The following TRAM2 variants were observed in gnomAD, a reference collection of about 807,000 sequenced individuals.
TRAM2 encodes the protein translocating chain-associated membrane protein 2.
Under a neutral mutation model 51.0 loss-of-function variants are expected in TRAM2, and 12 were observed. The ratio of observed to expected loss-of-function variants is 0.24; its 90% confidence interval spans 0.15 to 0.38. The LOEUF is 0.38. TRAM2 is among the 10% of genes least tolerant of loss of function. The probability of loss-of-function intolerance (pLI) is 1.00; values close to 1 mark genes in which losing one functional copy is unlikely to be tolerated. For synonymous variants in TRAM2, 175 were observed against 179.4 expected (o/e 0.98, Z 0.20); for missense variants, 361 against 462.0 (o/e 0.78, Z 2.00).
At chr6:52,550,266 C>T (rs1767284467) in intron 1 of TRAM2, among the ~76,000 whole-genome samples, 1 of 152,180 alleles carries the variant, frequency 6.6e-6, no homozygotes, top group South Asian at 2.1e-4. Flanking sequence ...CTCTCCCTTC[C>T]TTCTTAGTTC....
rs1766222291 is a variant in TRAM2, at chr6:52,501,513, C to G, written c.*1684G>C. On this transcript the variant is annotated 3_prime_UTR_variant, in exon 11 of 11. Transcript: ENST00000182527. ...CCTGCACCTACCAAGAACTACTCCC[C>G]TTTGCCTCAAAACAGAGTTCGGAGG... 2 of 152,224 alleles carry G rather than the reference C, an allele frequency of 1.3e-5. No individual in the cohort carries two copies. Among genetic ancestry groups the G allele is most frequent in the South Asian group, 4.1e-4 (2 of 4,832 alleles). 9.4% of individuals were successfully genotyped at this position (152,224 alleles called of 1,614,324 possible). A position where few individuals can be genotyped will look rare whatever the true frequency, so the allele number is the denominator to read the frequency against.
In TRAM2 at chr6:52,560,594, C is replaced by T. The variant is rs551610300; in HGVS notation, c.120+16202G>A. Among the ~76,000 whole-genome samples, 358 of 152,252 alleles carry T rather than the reference C, an allele frequency of 2.4e-3. 2 individuals are homozygous for T. The highest frequency in any genetic ancestry group is 4.0e-3 in the Non-Finnish European group (274 of 68,030). ...TTGGGTTATTTCAAACGAAGTCTGCCGTTAGAGCAGGAGCTGTGTCCTGTG... is the reference window on the plus strand; with the variant it reads ...TTGGGTTATTTCAAACGAAGTCTGCTGTTAGAGCAGGAGCTGTGTCCTGTG... On this transcript the variant is annotated intron_variant, in intron 1 of 10. Transcript: ENST00000182527.
At chr6:52,517,559 C>G (rs1766574784) in intron 2 of TRAM2, among the ~76,000 whole-genome samples, 1 of 152,236 alleles carries the variant, frequency 6.6e-6, no homozygotes, top group African/African-American at 2.4e-5. Flanking sequence ...TGAAACTCCG[C>G]CATTGCAGCC....
intron 1 of TRAM2, among the ~76,000 whole-genome samples, chr6:52,563,463 T>C (rs1767533484): frequency 1.3e-5 from 2 of 151,588 alleles, no homozygotes; most frequent in South Asian, 4.2e-4. Context: ...CTCACATCTG[T>C]AACCCCAGGA....
intron 1 of TRAM2, among the ~76,000 whole-genome samples, chr6:52,554,519 C>CAAAAA (rs55641649): frequency 1.3e-4 from 14 of 108,992 alleles, no homozygotes; most frequent in East Asian, 4.8e-4. Context: ...GACCCCATCT[C>CAAAAA]AAAAAAAAAA....
At chr6:52,522,863 A>G (rs1366913216) in intron 2 of TRAM2, 1 of 701,156 alleles carries the variant, frequency 1.4e-6, no homozygotes. Flanking sequence ...ACTAATAGAT[A>G]TTTTCCTGTT....
intron 2 of TRAM2, among the ~76,000 whole-genome samples, chr6:52,518,796 A>G (rs1766606917): frequency 6.6e-6 from 1 of 152,220 alleles, no homozygotes; most frequent in Non-Finnish European, 1.5e-5. Flanking sequence ...CCTTCTTCAT[A>G]AAGAGACCAA....
intron 10 of TRAM2, among the ~76,000 whole-genome samples, chr6:52,504,351 G>A (rs541824104): frequency 1.3e-4 from 20 of 152,328 alleles, no homozygotes; most frequent in Non-Finnish European, 1.5e-4. Flanking sequence ...GCCCTGCCCC[G>A]TGGTGGCCAG....
intron 1 of TRAM2, among the ~76,000 whole-genome samples, chr6:52,567,011 T>C (rs911951877): frequency 5.3e-5 from 8 of 152,230 alleles, no homozygotes; most frequent in Non-Finnish European, 8.8e-5. Context: ...ATGTGTCCTT[T>C]TTCTCTGTGT....
At chr6:52,527,264 G>C (rs1766799349) in intron 2 of TRAM2, among the ~76,000 whole-genome samples, 1 of 151,754 alleles carries the variant, frequency 6.6e-6, no homozygotes. Context: ...TGCAGTCCTT[G>C]CTACTCGGGA....
chr6:52,570,211 T>G (rs1253262913), intron 1 of TRAM2, among the ~76,000 whole-genome samples: 1 of 152,200 alleles, frequency 6.6e-6, no homozygotes, highest in Non-Finnish European at 1.5e-5. Context: ...AGATGCTAGG[T>G]AGCAGCAGGC....
chr6:52,517,625 G>T (rs1047757531), intron 2 of TRAM2, among the ~76,000 whole-genome samples: 1 of 152,256 alleles, frequency 6.6e-6, no homozygotes, highest in East Asian at 1.9e-4. Flanking sequence ...CAGGCTGCGG[G>T]GCTGTGAGCC....
chr6:52,557,153 G>A (rs575768184), intron 1 of TRAM2, among the ~76,000 whole-genome samples: 12 of 144,224 alleles, frequency 8.3e-5, no homozygotes, highest in Non-Finnish European at 1.1e-4. Context: ...AGATCACACC[G>A]TTGCACTCCA....
chr6:52,573,633 G>A (rs952292765), intron 1 of TRAM2, among the ~76,000 whole-genome samples: 3 of 152,194 alleles, frequency 2.0e-5, no homozygotes, highest in African/African-American at 7.2e-5. Flanking sequence ...GGTGAGTGGT[G>A]AGGGGAGAGA....
chr6:52,560,282 A>G (rs7744482), intron 1 of TRAM2, among the ~76,000 whole-genome samples: 106,510 of 151,860 alleles, frequency 0.7, 37,489 homozygotes, highest in Admixed American at 0.75. Context: ...AGAAACATAT[A>G]AAGTTGAAAG....
intron 2 of TRAM2, among the ~76,000 whole-genome samples, chr6:52,519,160 G>A (rs974192080): frequency 6.6e-6 from 1 of 152,218 alleles, no homozygotes; most frequent in African/African-American, 2.4e-5. Context: ...TCCATGCTGG[G>A]CACTGGGAGA....
At chr6:52,522,479 A>C (rs1193353662) in intron 2 of TRAM2, among the ~76,000 whole-genome samples, 3 of 152,262 alleles carry the variant, frequency 2.0e-5, no homozygotes. Flanking sequence ...CAGACTGGCC[A>C]AAGAAAACAC....
At chr6:52,544,673 A>G (rs973441058) in intron 1 of TRAM2, among the ~76,000 whole-genome samples, 1 of 152,254 alleles carries the variant, frequency 6.6e-6, no homozygotes, top group African/African-American at 2.4e-5. Context: ...ATTTGATTCC[A>G]GCGTCTTAAA....
chr6:52,536,767 G>A (rs1433109615), intron 1 of TRAM2, among the ~76,000 whole-genome samples: 4 of 152,118 alleles, frequency 2.6e-5, no homozygotes, highest in African/African-American at 9.7e-5. Flanking sequence ...TGTGCAGGTG[G>A]GCCTGAGAAC....
Sources: allele counts gnomAD v4.1 joint callset (sites outside exome capture counted in the v4.1 genomes callset), GRCh38; gene constraint gnomAD v4.1.1; transcripts MANE v1.5; gene names NCBI Gene and HGNC (gene_info 2026-07-23, HGNC 2026-07-21).